TTC17: variants seen among roughly 807,000 people sequenced by gnomAD.
The protein encoded by TTC17 is tetratricopeptide repeat protein 17.
In TTC17, 58 loss-of-function variants were observed where a neutral mutation model predicts 143.8. The observed-to-expected ratio is 0.40, with a 90% CI of 0.33 to 0.50. The LOEUF is 0.50. TTC17 is among the 20% of genes least tolerant of loss of function. TTC17 has a pLI of 0.49. For missense variants in TTC17, 1,273 were observed against 1,392.5 expected (o/e 0.91, Z 1.37); for synonymous variants, 501 against 497.8 (o/e 1.01, Z -0.09).
Position 43,398,108 on chromosome 11 carries a change from G to A in TTC17, c.1053G>A (p.Gln351=), listed in dbSNP as rs2134557174. 6.2e-7 allele frequency: 1 copy of A among 1,613,976 alleles called. No homozygotes were observed. Among genetic ancestry groups the A allele is most frequent in the Non-Finnish European group, 8.5e-7 (1 of 1,179,936 alleles). ...QQKLEQKLEA[Q]HRSLQRTLNE... ...AACTGGAGCAGAAATTGGAGGCTCA[G>A]CATAGGTAATTGAGAGGAAAAATTT... is the stretch of plus-strand genomic sequence containing the variant. The change falls in exon 8 of 24, where the codon CAG becomes CAA. Residue 351 remains glutamine, a synonymous_variant. Coordinates refer to ENST00000039989, the MANE Select transcript of TTC17 (RefSeq NM_018259.6).
intron 21 of TTC17, among the ~76,000 whole-genome samples, chr11:43,461,734 C>T (rs2134792340): frequency 6.6e-6 from 1 of 152,072 alleles, no homozygotes; most frequent in Non-Finnish European, 1.5e-5. Flanking sequence ...TACTGTATAT[C>T]TAAAATTCAT....
At chr11:43,486,456 G>A in intron 21 of TTC17, 1 of 452,030 alleles carries the variant, frequency 2.2e-6, no homozygotes, top group Non-Finnish European at 4.5e-6. Context: ...TATCAGGTAG[G>A]AGGGACTACT....
intron 5 of TTC17, 57 bp downstream of exon 5, chr11:43,392,009 C>T (rs1374645564): frequency 3.9e-6 from 6 of 1,528,392 alleles, no homozygotes; most frequent in Non-Finnish European, 5.2e-6. Context: ...TCTGTGTAAA[C>T]AGAAGATATT....
rs748866830 is a variant in TTC17, at chr11:43,450,258, G to C, written c.2946+17G>C. 9 of 1,602,772 alleles carry C rather than the reference G, an allele frequency of 5.6e-6. No homozygotes were observed. In the South Asian group the frequency reaches 8.9e-5, roughly 16 times the overall value. ...TTAACAGAGGTGAGTGCTCGGCTTT[G>C]TTCAGGCTGTTTTTTAGCCTCACAG... On this transcript the variant is annotated intron_variant, in intron 20 of 23. Coordinates refer to ENST00000039989, the MANE Select transcript of TTC17 (RefSeq NM_018259.6).
Position 43,391,576 on chromosome 11 carries a change from A to T in TTC17, c.531A>T (p.Arg177Ser). The T allele has an allele frequency of 6.5e-7, 1 of 1,542,986 alleles. No individual in the cohort carries two copies. ...PYSIHAFQHL[R>S]GVQERVNLSA... ...GTATACATGCTTTTCAGCACTTGAGAGTAAGTAGAGAACTTTAGGATTTTT... is the reference window on the plus strand; with the variant it reads ...GTATACATGCTTTTCAGCACTTGAGTGTAAGTAGAGAACTTTAGGATTTTT... Residue 177 changes from arginine (R) to serine (S), a missense_variant and splice_region_variant, in exon 4 of 24, where the codon AGA becomes AGT. Transcript: ENST00000039989.
intron 7 of TTC17, among the ~76,000 whole-genome samples, 190 bp downstream of exon 7, chr11:43,397,681 A>G (rs745683817): frequency 3.5e-4 from 54 of 152,204 alleles, no homozygotes; most frequent in Middle Eastern, 6.8e-3. Context: ...CAAAAAAACA[A>G]TAATAATAAT....
At chr11:43,445,115 A>C (rs2134736142) in intron 18 of TTC17, among the ~76,000 whole-genome samples, 1 of 152,342 alleles carries the variant, frequency 6.6e-6, no homozygotes, top group African/African-American at 2.4e-5. Context: ...TATGCACTCA[A>C]GATATTGGTA....
rs374268577 is a variant in TTC17, at chr11:43,489,067, CA to C, written c.3031-1169del. ...AAGTCATTGAAGATCACTAAAAAAC[CA>C]AATTCTGTAGCAATCAAAATCTACA... On this transcript the variant is annotated intron_variant, in intron 21 of 23. Coordinates refer to ENST00000039989, the MANE Select transcript of TTC17 (RefSeq NM_018259.6). Among the ~76,000 whole-genome samples, 504 of 152,208 alleles carry C rather than the reference CA, an allele frequency of 3.3e-3. 2 individuals are homozygous for C. Among genetic ancestry groups the C allele is most frequent in the African/African-American group, 0.011 (469 of 41,522 alleles).
chr11:43,464,476 A>G (rs1247391455), intron 21 of TTC17, among the ~76,000 whole-genome samples: 1 of 152,166 alleles, frequency 6.6e-6, no homozygotes, highest in Non-Finnish European at 1.5e-5. Context: ...GAAAAAGATG[A>G]ATAACTAACT....
intron 16 of TTC17, among the ~76,000 whole-genome samples, chr11:43,426,641 G>A (rs539310752): frequency 1.3e-5 from 2 of 152,292 alleles, no homozygotes; most frequent in East Asian, 3.9e-4. Flanking sequence ...CCAATGCAAA[G>A]GACATTTCCT....
chr11:43,432,771 T>C (rs961693908), intron 16 of TTC17, among the ~76,000 whole-genome samples: 2 of 151,530 alleles, frequency 1.3e-5, no homozygotes, highest in African/African-American at 4.8e-5. Flanking sequence ...GCAATATTTT[T>C]CCACAAAGGC....
At chr11:43,383,844 C>CA (rs1310313390) in intron 2 of TTC17, among the ~76,000 whole-genome samples, 105 of 149,504 alleles carry the variant, frequency 7.0e-4, no homozygotes, top group East Asian at 3.7e-3. Context: ...AAACCAAAAA[C>CA]AAAAAAAAAT....
At position 43,379,365 on chromosome 11, in the gene TTC17, A is replaced by G. The variant is rs753791680; in HGVS notation, c.249+43A>G. 3 of 1,526,788 alleles carry G rather than the reference A, an allele frequency of 2.0e-6. No homozygotes were observed. In the South Asian group the frequency reaches 3.5e-5, roughly 18 times the overall value. The allele number at this position is 1,526,788 out of a possible 1,614,324, so 94.6% of individuals were successfully genotyped here. ...GTGAGATGCAGCTGATGCTTGTTGCATTTCACAGGAGCCATTGTGTTCAAA... is the reference window on the plus strand; with the variant it reads ...GTGAGATGCAGCTGATGCTTGTTGCGTTTCACAGGAGCCATTGTGTTCAAA... On this transcript the variant is annotated intron_variant, in intron 2 of 23. Transcript: ENST00000039989.
chr11:43,446,631 G>C (rs1404839661), intron 18 of TTC17: 13 of 981,126 alleles, frequency 1.3e-5, no homozygotes, highest in Non-Finnish European at 1.6e-5. Flanking sequence ...TTTCTGTTTT[G>C]TTAAAATCTC....
intron 16 of TTC17, among the ~76,000 whole-genome samples, chr11:43,435,773 T>C (rs1057014893): frequency 1.3e-5 from 2 of 152,272 alleles, no homozygotes; most frequent in Non-Finnish European, 2.9e-5. Context: ...TTCTCTGCTA[T>C]AATTTATCTC....
At chr11:43,428,775 AAC>A (rs1188852573) in intron 16 of TTC17, among the ~76,000 whole-genome samples, 9 of 152,212 alleles carry the variant, frequency 5.9e-5, no homozygotes, top group African/African-American at 1.9e-4. Flanking sequence ...GTAAAAGGAA[AAC>A]ACACACACAT....
At chr11:43,413,235 C>A (rs1445584313) in intron 15 of TTC17, among the ~76,000 whole-genome samples, 1 of 152,128 alleles carries the variant, frequency 6.6e-6, no homozygotes, top group African/African-American at 2.4e-5. Flanking sequence ...GAGGAAAAAA[C>A]ATTTTGGTTT....
At chr11:43,464,059 TG>T (rs1036517224) in intron 21 of TTC17, among the ~76,000 whole-genome samples, 2 of 152,098 alleles carry the variant, frequency 1.3e-5, no homozygotes, top group Non-Finnish European at 2.9e-5. Context: ...GTGGATCACC[TG>T]AGGTCAGGAG....
chr11:43,406,824 C>T (rs1265136008), intron 13 of TTC17, among the ~76,000 whole-genome samples: 1 of 152,144 alleles, frequency 6.6e-6, no homozygotes, highest in Admixed American at 6.6e-5. Flanking sequence ...TCAGATATTG[C>T]ATGCTGTTGT....
Sources: allele counts gnomAD v4.1 joint callset (sites outside exome capture counted in the v4.1 genomes callset), GRCh38; gene constraint gnomAD v4.1.1; transcripts MANE v1.5; gene names NCBI Gene and HGNC (gene_info 2026-07-23, HGNC 2026-07-21).